The following SIK3 variants were observed in gnomAD, a reference collection of about 807,000 sequenced individuals.
The protein encoded by SIK3 is SIK family kinase 3.
SIK3 carries 28 observed loss-of-function variants against 144.2 expected under a neutral mutation model. The ratio of observed to expected loss-of-function variants is 0.19; its 90% CI spans 0.14 to 0.27. SIK3 has a LOEUF of 0.27. Ranked by LOEUF, SIK3 falls within the 10% of genes least tolerant of loss-of-function variation. The pLI is 1.00. For missense variants in SIK3, 1,319 were observed against 1,776.0 expected (o/e 0.74, Z 4.62); for synonymous variants, 686 against 676.3 (o/e 1.01, Z -0.22).
In SIK3 at chr11:116,954,118, G is replaced by A; in HGVS notation, c.391-11C>T. ...TTCTGTCTCCATAACCTGGTGCAAA[G>A]GCAGGAAAGTGACAGACAGTGACAC... On this transcript the variant is annotated splice_polypyrimidine_tract_variant and intron_variant, in intron 2 of 24. Coordinates refer to ENST00000445177, the MANE Select transcript of SIK3 (RefSeq NM_001366686.3). 1 of 1,613,272 alleles carries A rather than the reference G, an allele frequency of 6.2e-7. No individual in the cohort carries two copies. Among genetic ancestry groups the A allele is most frequent in the Non-Finnish European group, 8.5e-7 (1 of 1,179,482 alleles).
At chr11:116,852,434 C>T (rs1265180228) in intron 21 of SIK3, among the ~76,000 whole-genome samples, 5 of 152,182 alleles carry the variant, frequency 3.3e-5, no homozygotes, top group Non-Finnish European at 5.9e-5. Flanking sequence ...TGGAGTTGAG[C>T]ACAAGGGTCA....
At chr11:117,016,746 T>C (rs1388931968) in intron 1 of SIK3, among the ~76,000 whole-genome samples, 1 of 152,216 alleles carries the variant, frequency 6.6e-6, no homozygotes, top group Non-Finnish European at 1.5e-5. Context: ...TATCAAGACA[T>C]CATGGCGTAT....
intron 1 of SIK3, among the ~76,000 whole-genome samples, chr11:117,066,482 T>A (rs2135979328): frequency 6.6e-6 from 1 of 151,332 alleles, no homozygotes; most frequent in Non-Finnish European, 1.5e-5. Flanking sequence ...ACACAGGACT[T>A]GTATCCAGGA....
At chr11:116,952,385 G>A (rs1203965771) in intron 3 of SIK3, among the ~76,000 whole-genome samples, 7 of 152,222 alleles carry the variant, frequency 4.6e-5, no homozygotes, top group Admixed American at 4.6e-4. Flanking sequence ...CAGGGCAGCA[G>A]AGCAATACCT....
Position 116,927,338 on chromosome 11 carries a change from C to T in SIK3, c.497G>A (p.Arg166His). Reference protein sequence around the residue: ...AHGRMAEKEARRKFKQIVTAV... With the variant: ...AHGRMAEKEAHRKFKQIVTAV... ...TGTGACGATCTGTTTGAACTTCCGA[C>T]GTGCCTCCTTTTCTGCCATTCTACC... Residue 166 changes from arginine to histidine, a missense_variant, in exon 4 of 25, where the codon CGT (arginine) becomes CAT (histidine). Arg to His is a conservative substitution (Grantham distance 29). Around this residue, in one of 8 missense-constraint regions of SIK3, gnomAD observed 125 missense variants for 285.2 expected, o/e 0.44. Transcript: ENST00000445177. The T allele has an allele frequency of 1.9e-6, 3 of 1,614,006 alleles. No individual in the cohort carries two copies. The highest frequency in any genetic ancestry group is 2.5e-6 in the Non-Finnish European group (3 of 1,179,916).
intron 1 of SIK3, among the ~76,000 whole-genome samples, chr11:117,022,617 G>T (rs1280266809): frequency 6.6e-6 from 1 of 152,128 alleles, no homozygotes; most frequent in Admixed American, 6.5e-5. Context: ...TCATCAACTA[G>T]AGCTGCCCCA....
chr11:117,066,758 T>A (rs1370872516), intron 1 of SIK3, among the ~76,000 whole-genome samples: 1 of 152,164 alleles, frequency 6.6e-6, no homozygotes, highest in Non-Finnish European at 1.5e-5. Flanking sequence ...GGTCTCGAAC[T>A]CCTGGCTTCA....
At chr11:117,084,684 A>C (rs1954931472) in intron 1 of SIK3, among the ~76,000 whole-genome samples, 1 of 152,228 alleles carries the variant, frequency 6.6e-6, no homozygotes, top group South Asian at 2.1e-4. Flanking sequence ...ATGTAAACTG[A>C]TGAAAAATTA....
At chr11:117,072,906 A>G (rs1954344624) in intron 1 of SIK3, among the ~76,000 whole-genome samples, 1 of 152,252 alleles carries the variant, frequency 6.6e-6, no homozygotes, top group South Asian at 2.1e-4. Context: ...TGAGGCCAGT[A>G]AAGTCTAGTT....
intron 1 of SIK3, among the ~76,000 whole-genome samples, chr11:117,095,686 G>A (rs1433478248): frequency 1.3e-5 from 2 of 152,218 alleles, no homozygotes; most frequent in African/African-American, 4.8e-5. Context: ...GCATGGAGCA[G>A]GCCAAAATAT....
intron 1 of SIK3, among the ~76,000 whole-genome samples, chr11:117,042,519 C>T (rs1952790485): frequency 6.6e-6 from 1 of 152,142 alleles, no homozygotes; most frequent in African/African-American, 2.4e-5. Flanking sequence ...ATACTTAACA[C>T]ACATAAGGAT....
At chr11:116,917,827 G>GAAGGAAAAGAAAGGA (rs59507065) in intron 4 of SIK3, among the ~76,000 whole-genome samples, 36 of 105,020 alleles carry the variant, frequency 3.4e-4, no homozygotes, top group African/African-American at 8.3e-4. Flanking sequence ...GAAGAAGAAG[G>GAAGGAAAAGAAAGGA]AAGGAAAGGA....
At chr11:116,978,266 A>G (rs1035545111) in intron 1 of SIK3, among the ~76,000 whole-genome samples, 3 of 152,196 alleles carry the variant, frequency 2.0e-5, no homozygotes, top group Admixed American at 6.5e-5. Flanking sequence ...AGAAAAAAGA[A>G]TCACCTCAGG....
intron 4 of SIK3, among the ~76,000 whole-genome samples, chr11:116,922,186 T>G (rs928351838): frequency 6.6e-6 from 1 of 152,226 alleles, no homozygotes; most frequent in Non-Finnish European, 1.5e-5. Flanking sequence ...ACAGTTGTGA[T>G]AGCTAGCTTT....
chr11:116,844,654 TA>T lies in SIK3; in HGVS notation c.*988del, dbSNP rs1565345886. 3.4e-5 allele frequency: 4 copies of T among 116,946 alleles called. No individual in the cohort carries two copies. Among genetic ancestry groups the T allele is most frequent in the Admixed American group, 9.6e-5 (1 of 10,440 alleles). 7.2% of individuals were successfully genotyped at this position (116,946 alleles called of 1,614,324 possible). On this transcript the variant is annotated 3_prime_UTR_variant, in exon 25 of 25. Transcript: ENST00000445177. ...AATATATTATATTATATATTATATA[TA>T]TAATATATATATACACATATATTAT... is the stretch of plus-strand genomic sequence containing the variant.
chr11:116,908,810 C>T lies in SIK3; in HGVS notation c.617-11493G>A, dbSNP rs1025681606. Among the ~76,000 whole-genome samples, 4 of 152,312 alleles carry T rather than the reference C, an allele frequency of 2.6e-5. No homozygotes were observed. The South Asian group carries it at 6.2e-4, about 24-fold the overall frequency. On this transcript the variant is annotated intron_variant, in intron 4 of 24. Coordinates refer to ENST00000445177, the MANE Select transcript of SIK3 (RefSeq NM_001366686.3). Reference sequence around the variant, plus strand: ...ACATGGAGCAAGTGGAACTCTCACACCTACTGGAAACAGTTCAGCATTACC... The same window carrying T: ...ACATGGAGCAAGTGGAACTCTCACATCTACTGGAAACAGTTCAGCATTACC...
intron 1 of SIK3, among the ~76,000 whole-genome samples, chr11:116,971,859 C>G (rs12575091): frequency 4.6e-5 from 7 of 151,722 alleles, no homozygotes; most frequent in Admixed American, 1.3e-4. Flanking sequence ...GAGGCCGAGG[C>G]GGGTGGATCA....
chr11:117,013,857 C>A, intron 1 of SIK3, among the ~76,000 whole-genome samples: 1 of 114,114 alleles, frequency 8.8e-6, no homozygotes. Flanking sequence ...GGTGTCACAG[C>A]CAGGTCCCCA....
At chr11:116,962,626 C>T (rs556321590) in intron 1 of SIK3, among the ~76,000 whole-genome samples, 14 of 152,190 alleles carry the variant, frequency 9.2e-5, no homozygotes, top group Admixed American at 8.5e-4. Context: ...CAAAGCTTAT[C>T]TACTCTAGAA....
Sources: gnomAD v4.1 joint callset for allele counts (sites outside exome capture counted in the v4.1 genomes callset) on GRCh38, gnomAD v4.1.1 for gene constraint, gnomAD v4.1.1 regional missense constraint, MANE v1.5 for transcripts, NCBI Gene and HGNC (gene_info 2026-07-23, HGNC 2026-07-21) for gene names.